The following PCDH15 variants were observed in gnomAD, a reference collection of about 807,000 sequenced individuals.
The protein encoded by PCDH15 is protocadherin related 15.
A neutral mutation model predicts 178.5 loss-of-function variants in PCDH15; 129 were observed. The observed-to-expected ratio is 0.72, with a 90% CI of 0.63 to 0.84. PCDH15 has a LOEUF of 0.84. PCDH15 is among the 40% of genes least tolerant of loss of function. The pLI is 0.00. For missense variants in PCDH15, 2,230 were observed against 2,099.9 expected (o/e 1.06, Z -1.21); for synonymous variants, 800 against 732.0 (o/e 1.09, Z -1.50).
At chr10:53,991,199 G>A (rs537780653) in intron 21 of PCDH15, among the ~76,000 whole-genome samples, 35 of 152,304 alleles carry the variant, frequency 2.3e-4, no homozygotes, top group South Asian at 8.3e-4. Context: ...GAGAGCGGGC[G>A]CGCGGTGCGG....
At chr10:54,672,450 AG>A (rs1335169973) in intron 1 of PCDH15, among the ~76,000 whole-genome samples, 1 of 152,126 alleles carries the variant, frequency 6.6e-6, no homozygotes, top group African/African-American at 2.4e-5. Context: ...GTTTCAATTA[AG>A]TTATATAAGA....
rs79060925 is a variant in PCDH15, at chr10:54,417,952, A to C, written c.158-39010T>G. 6.8e-3 allele frequency among the ~76,000 whole-genome samples: 1,038 copies of C among 152,214 alleles called. 10 individuals are homozygous for C. Among genetic ancestry groups the C allele is most frequent in the African/African-American group, 0.024 (984 of 41,526 alleles). On this transcript the variant is annotated intron_variant, in intron 3 of 37. Transcript: ENST00000644397. ...GGGTCTTATTATTTTGCCCAGGCTA[A>C]AATGCAGTAGCTATTCAAAGGTGCA...
At chr10:54,256,363 G>A (rs890708080) in intron 8 of PCDH15, among the ~76,000 whole-genome samples, 1 of 152,170 alleles carries the variant, frequency 6.6e-6, no homozygotes, top group African/African-American at 2.4e-5. Flanking sequence ...GCTTTACTTA[G>A]AAATATTTGA....
chr10:54,998,508 T>C (rs1283390840), intron 2 of PCDH15, among the ~76,000 whole-genome samples: 1 of 152,076 alleles, frequency 6.6e-6, no homozygotes, highest in East Asian at 1.9e-4. Context: ...TAAAAAAAAA[T>C]TGAAAATGTT....
At chr10:54,917,344 C>T (rs746238470) in intron 2 of PCDH15, among the ~76,000 whole-genome samples, 5 of 152,092 alleles carry the variant, frequency 3.3e-5, no homozygotes, top group Non-Finnish European at 7.4e-5. Flanking sequence ...AAGAACGTAG[C>T]TGATGTCTGA....
Position 54,820,560 on chromosome 10 carries a change from T to C in PCDH15, c.-29+76890A>G, listed in dbSNP as rs73268277. Among the ~76,000 whole-genome samples, 563 of 152,204 alleles carry C rather than the reference T, an allele frequency of 3.7e-3. 1 individual carries two copies. Among genetic ancestry groups the C allele is most frequent in the African/African-American group, 0.013 (540 of 41,558 alleles). ...TTTAAATTCTGCCTTATTGACTTTA[T>C]AAGCTTTTTATTACAAGATTTTTAA... is the stretch of plus-strand genomic sequence containing the variant. On this transcript the variant is annotated intron_variant, in intron 3 of 5. Coordinates refer to the PCDH15 transcript ENST00000458638.
chr10:55,261,657 T>C (rs1444972368), intron 1 of PCDH15, among the ~76,000 whole-genome samples: 1 of 152,206 alleles, frequency 6.6e-6, no homozygotes, highest in Non-Finnish European at 1.5e-5. Flanking sequence ...CCGAGAATCA[T>C]TCTTGGAAGG....
At chr10:54,505,602 C>T (rs1342131523) in intron 3 of PCDH15, among the ~76,000 whole-genome samples, 1 of 151,662 alleles carries the variant, frequency 6.6e-6, no homozygotes, top group Non-Finnish European at 1.5e-5. Flanking sequence ...ACAATGAGAA[C>T]ACATGGAAAC....
At chr10:55,226,527 A>T (rs1564910015) in intron 1 of PCDH15, among the ~76,000 whole-genome samples, 1 of 151,696 alleles carries the variant, frequency 6.6e-6, no homozygotes, top group Non-Finnish European at 1.5e-5. Context: ...GATTACAGGC[A>T]CCCACCACCA....
intron 2 of PCDH15, among the ~76,000 whole-genome samples, chr10:54,565,045 A>AT (rs1441718364): frequency 6.6e-6 from 1 of 152,164 alleles, no homozygotes; most frequent in Non-Finnish European, 1.5e-5. Flanking sequence ...AAGTGGATGC[A>AT]TTGATCTAGC....
At chr10:54,945,080 T>A (rs1838160262) in intron 2 of PCDH15, among the ~76,000 whole-genome samples, 1 of 151,930 alleles carries the variant, frequency 6.6e-6, no homozygotes, top group Admixed American at 6.6e-5. Flanking sequence ...CTAACATATT[T>A]TGCATCAGTG....
intron 1 of PCDH15, among the ~76,000 whole-genome samples, chr10:55,306,380 C>T (rs1243613478): frequency 1.3e-5 from 2 of 152,190 alleles, no homozygotes; most frequent in Non-Finnish European, 2.9e-5. Flanking sequence ...CAGTTCCTAT[C>T]AATCTTTCAC....
At chr10:55,261,508 G>C (rs1306829998) in intron 1 of PCDH15, among the ~76,000 whole-genome samples, 1 of 152,054 alleles carries the variant, frequency 6.6e-6, no homozygotes, top group Non-Finnish European at 1.5e-5. Context: ...CAATGTATTA[G>C]CATGTATTTG....
chr10:55,345,397 T>C (rs1844725300), intron 2 of PCDH15, among the ~76,000 whole-genome samples: 1 of 151,950 alleles, frequency 6.6e-6, no homozygotes, highest in African/African-American at 2.4e-5. Flanking sequence ...CAAAGTGCCA[T>C]CCATCATCAT....
At chr10:53,895,603 CAG>C (rs2081896431) in intron 26 of PCDH15, among the ~76,000 whole-genome samples, 1 of 152,120 alleles carries the variant, frequency 6.6e-6, no homozygotes, top group African/African-American at 2.4e-5. Context: ...CTTCATAATT[CAG>C]AGTTTTTTAA....
At chr10:55,077,438 T>TTCCTTCCTTCCTTC (rs773469694) in intron 2 of PCDH15, among the ~76,000 whole-genome samples, 2 of 74,834 alleles carry the variant, frequency 2.7e-5, no homozygotes, top group African/African-American at 1.3e-4. Flanking sequence ...TTCCTTCCTT[T>TTCCTTCCTTCCTTC]CTTCCTTCCT....
At chr10:55,444,820 T>C (rs184125056) in intron 2 of PCDH15, among the ~76,000 whole-genome samples, 1 of 152,144 alleles carries the variant, frequency 6.6e-6, no homozygotes, top group African/African-American at 2.4e-5. Context: ...TGACAAATTG[T>C]TGAATCATAA....
intron 3 of PCDH15, among the ~76,000 whole-genome samples, chr10:54,442,441 T>C (rs1415472070): frequency 2.5e-5 from 3 of 120,692 alleles, no homozygotes; most frequent in African/African-American, 3.6e-5. Flanking sequence ...TATATATATA[T>C]ATATATATAT....
intron 1 of PCDH15, among the ~76,000 whole-genome samples, chr10:55,200,757 AGAGT>A (rs1373259961): frequency 1.3e-5 from 2 of 152,036 alleles, no homozygotes; most frequent in Admixed American, 1.3e-4. Context: ...TGTTCTGATG[AGAGT>A]GAGTTCTCAT....
Sources: allele counts gnomAD v4.1 joint callset (sites outside exome capture counted in the v4.1 genomes callset), GRCh38; gene constraint gnomAD v4.1.1; transcripts MANE v1.5; gene names NCBI Gene and HGNC (gene_info 2026-07-23, HGNC 2026-07-21).